SRD5A2: variants seen among roughly 807,000 people sequenced by gnomAD.
The protein encoded by SRD5A2 is steroid 5 alpha-reductase 2, also known as 3-oxo-5-alpha-steroid 4-dehydrogenase 2.
SRD5A2 carries 30 observed loss-of-function variants against 27.4 expected under a neutral mutation model. The ratio of observed to expected loss-of-function variants is 1.10; its 90% CI spans 0.82 to 1.49. The LOEUF is 1.49. Among genes scored for constraint, SRD5A2 ranks in the 40% most tolerant of loss-of-function variants. The pLI is 0.00. For missense variants in SRD5A2, 348 were observed against 323.4 expected, an observed-to-expected ratio of 1.08 and a Z score of -0.58; for synonymous variants, 141 against 133.6, an observed-to-expected ratio of 1.06 and a Z score of -0.38.
the SRD5A2 span, among the ~76,000 whole-genome samples, chr2:31,586,800 G>C: frequency 2.0e-5 from 3 of 152,124 alleles, no homozygotes; most frequent in African/African-American, 7.2e-5. Context: ...AGACAGTGAA[G>C]CCTACAATAA....
At position 31,543,665 on chromosome 2, in the gene SRD5A2, G is replaced by C. The variant is rs183024890; in HGVS notation, c.282-9899C>G. ...AGCTGTTAAAGTAGCAGAGTTTTAT[G>C]TTATTGAAATTAAGCTGGTTTATAA... On this transcript the variant is annotated intron_variant, in intron 1 of 4. Transcript: ENST00000622030. Among the ~76,000 whole-genome samples the C allele has an allele frequency of 2.4e-3, 368 of 152,204 alleles. 1 individual carries two copies. The highest frequency in any genetic ancestry group is 6.8e-3 in the African/African-American group (283 of 41,548).
chr2:31,537,463 T>C (rs1160358382), intron 1 of SRD5A2, among the ~76,000 whole-genome samples: 1 of 152,132 alleles, frequency 6.6e-6, no homozygotes. Context: ...ACAACTCTCT[T>C]CTTATTTGAC....
the SRD5A2 span, among the ~76,000 whole-genome samples, chr2:31,590,215 C>T: frequency 1.0e-5 from 1 of 96,984 alleles, no homozygotes; most frequent in Admixed American, 1.5e-4. Context: ...AAACAAAAGA[C>T]ATAAACTCTT....
At chr2:31,641,437 G>C in the SRD5A2 span, among the ~76,000 whole-genome samples, 5 of 152,092 alleles carry the variant, frequency 3.3e-5, no homozygotes, top group African/African-American at 7.2e-5. Flanking sequence ...GCTTTCAAAA[G>C]CTGAGACAAT....
At chr2:31,627,723 T>G in the SRD5A2 span, among the ~76,000 whole-genome samples, 1 of 152,178 alleles carries the variant, frequency 6.6e-6, no homozygotes, top group East Asian at 1.9e-4. Flanking sequence ...ATTTCATTAT[T>G]TACCTAGAAG....
the SRD5A2 span, among the ~76,000 whole-genome samples, chr2:31,652,623 T>G: frequency 6.6e-6 from 1 of 152,180 alleles, no homozygotes; most frequent in Non-Finnish European, 1.5e-5. Flanking sequence ...AATTTAGTTA[T>G]TAACTACCTA....
the SRD5A2 span, among the ~76,000 whole-genome samples, chr2:31,621,745 C>A: frequency 6.6e-6 from 1 of 152,072 alleles, no homozygotes; most frequent in Non-Finnish European, 1.5e-5. Flanking sequence ...CATCTGCCTG[C>A]CTCAGCCTCT....
chr2:31,654,096 A>G, the SRD5A2 span, among the ~76,000 whole-genome samples: 2 of 152,004 alleles, frequency 1.3e-5, no homozygotes, highest in Non-Finnish European at 2.9e-5. Flanking sequence ...AAAAAAAAAA[A>G]GCCCAGCAAC....
chr2:31,551,691 C>T (rs1053855826), intron 1 of SRD5A2, among the ~76,000 whole-genome samples: 5 of 152,006 alleles, frequency 3.3e-5, no homozygotes, highest in African/African-American at 1.2e-4. Context: ...TTAAGTAGAA[C>T]TGTTGAATTT....
At chr2:31,553,883 G>C (rs1187328499) in intron 1 of SRD5A2, among the ~76,000 whole-genome samples, 1 of 152,140 alleles carries the variant, frequency 6.6e-6, no homozygotes, top group African/African-American at 2.4e-5. Context: ...GCTGTAACAG[G>C]GGTTACGGAG....
At chr2:31,637,132 A>G in the SRD5A2 span, among the ~76,000 whole-genome samples, 1 of 152,034 alleles carries the variant, frequency 6.6e-6, no homozygotes, top group Non-Finnish European at 1.5e-5. Context: ...ATTTTTTACT[A>G]TGGCTTAGAT....
At chr2:31,589,364 A>T in the SRD5A2 span, among the ~76,000 whole-genome samples, 1 of 152,184 alleles carries the variant, frequency 6.6e-6, no homozygotes, top group Non-Finnish European at 1.5e-5. Context: ...TGTAGACACG[A>T]ATTCAGTCAG....
At chr2:31,571,481 C>T (rs1666848094) in intron 1 of SRD5A2, among the ~76,000 whole-genome samples, 1 of 152,090 alleles carries the variant, frequency 6.6e-6, no homozygotes. Context: ...ATGACAAAGA[C>T]ACCAAAAGCA....
chr2:31,546,369 G>C (rs1666255677), intron 1 of SRD5A2, among the ~76,000 whole-genome samples: 1 of 151,946 alleles, frequency 6.6e-6, no homozygotes, highest in African/African-American at 2.4e-5. Context: ...AGCCTATAAA[G>C]ACAAAGACAT....
At chr2:31,535,958 C>T (rs1046328201) in intron 1 of SRD5A2, among the ~76,000 whole-genome samples, 1 of 152,170 alleles carries the variant, frequency 6.6e-6, no homozygotes, top group East Asian at 1.9e-4. Flanking sequence ...CAAACTCCTT[C>T]ATCTGTAAAC....
At chr2:31,558,677 C>T (rs1666551183) in intron 1 of SRD5A2, among the ~76,000 whole-genome samples, 1 of 152,148 alleles carries the variant, frequency 6.6e-6, no homozygotes, top group Admixed American at 6.5e-5. Context: ...ATCATAATGA[C>T]ATTTCGGTCA....
chr2:31,627,278 G>A, the SRD5A2 span, among the ~76,000 whole-genome samples: 1 of 151,966 alleles, frequency 6.6e-6, no homozygotes, highest in South Asian at 2.1e-4. Context: ...GAGTCTGAGG[G>A]TGTTTTGTAT....
chr2:31,597,703 G>A, the SRD5A2 span, among the ~76,000 whole-genome samples: 12,635 of 152,132 alleles, frequency 0.083, 645 homozygotes, highest in Middle Eastern at 0.18. Context: ...ATTAAAAAAT[G>A]CTCAACATCA....
intron 1 of SRD5A2, among the ~76,000 whole-genome samples, chr2:31,560,171 T>C (rs957030553): frequency 6.6e-6 from 1 of 150,760 alleles, no homozygotes. Context: ...ATATATGAAC[T>C]CTTTCTGAAG....
Sources: gnomAD v4.1 joint callset for allele counts (sites outside exome capture counted in the v4.1 genomes callset) on GRCh38, gnomAD v4.1.1 for gene constraint, MANE v1.5 for transcripts, NCBI Gene and HGNC (gene_info 2026-07-23, HGNC 2026-07-21) for gene names.